Variants in RUNX1T1 observed in about 807,000 individuals in gnomAD.
RUNX1T1 encodes protein CBFA2T1.
Under a neutral mutation model 62.8 loss-of-function variants are expected in RUNX1T1, and 4 were observed. That is an observed-to-expected ratio of 0.06 (90% confidence interval 0.03 to 0.15). The LOEUF (loss-of-function observed/expected upper bound fraction) is 0.15. RUNX1T1 is among the 10% of genes least tolerant of loss of function. The pLI, the probability that RUNX1T1 is intolerant of heterozygous loss-of-function variation, is 1.00. For synonymous variants in RUNX1T1, 291 were observed against 286.0 expected (o/e 1.02, Z -0.18); for missense variants, 508 against 754.3 (o/e 0.67, Z 3.82).
chr8:92,006,427 G>A (rs2131037649), intron 4 of RUNX1T1: 1 of 152,258 alleles, frequency 6.6e-6, no homozygotes, highest in Non-Finnish European at 1.5e-5. Context: ...CAGGTGCCAT[G>A]TACACCGATT....
At chr8:91,965,598 A>G (rs951815482) in intron 10 of RUNX1T1, among the ~76,000 whole-genome samples, 1 of 151,918 alleles carries the variant, frequency 6.6e-6, no homozygotes, top group African/African-American at 2.4e-5. Context: ...TTCTGTAGGT[A>G]CCTCCACCAG....
At chr8:92,102,892 A>T (rs909765607), upstream of RUNX1T1, 17 of 1,520,070 alleles carry the variant, frequency 1.1e-5, no homozygotes, top group African/African-American at 2.0e-4. The surrounding 1 kb of genome is among the most constrained non-coding windows in gnomAD (Gnocchi z 4.5). Flanking sequence ...CATCCGCCAC[A>T]GGCTCCGAGC....
intron 1 of RUNX1T1, among the ~76,000 whole-genome samples, chr8:92,054,186 G>A (rs1490817745): frequency 2.0e-5 from 3 of 151,392 alleles, no homozygotes; most frequent in Admixed American, 6.6e-5. Flanking sequence ...TTTATTATGT[G>A]ATCACCATTC....
At chr8:92,057,043 T>C (rs898477809) in intron 1 of RUNX1T1, among the ~76,000 whole-genome samples, 1 of 152,174 alleles carries the variant, frequency 6.6e-6, no homozygotes, top group Non-Finnish European at 1.5e-5. Flanking sequence ...AATAATAACA[T>C]TAAGTCTCCT....
chr8:91,998,861 T>C (rs1448241698), intron 5 of RUNX1T1, among the ~76,000 whole-genome samples: 1 of 152,192 alleles, frequency 6.6e-6, no homozygotes, highest in Non-Finnish European at 1.5e-5. Context: ...CTGTGGCTGT[T>C]TTTATTGTAT....
At chr8:92,031,935 T>A (rs865794178) in intron 1 of RUNX1T1, among the ~76,000 whole-genome samples, 3 of 151,228 alleles carry the variant, frequency 2.0e-5, no homozygotes, top group African/African-American at 7.3e-5. Context: ...CTACTAAAAA[T>A]ACAAAATAAT....
chr8:91,972,045 AAACT>A (rs1812951211), intron 9 of RUNX1T1, among the ~76,000 whole-genome samples: 1 of 152,180 alleles, frequency 6.6e-6, no homozygotes, highest in African/African-American at 2.4e-5. Flanking sequence ...CACTCTATTA[AAACT>A]AATTATGACA....
exon 11 of RUNX1T1, chr8:91,959,444 G>GTATA (rs1370118140): frequency 2.2e-5 from 3 of 136,990 alleles, no homozygotes; most frequent in African/African-American, 7.8e-5. Flanking sequence ...GTGTGTGTGT[G>GTATA]TGTGTGTGTG....
intron 1 of RUNX1T1, among the ~76,000 whole-genome samples, chr8:92,096,429 C>G (rs1052340085): frequency 6.6e-6 from 1 of 152,188 alleles, no homozygotes; most frequent in Admixed American, 6.5e-5. Context: ...AGTTCATCCC[C>G]CTCCCCAGCA....
chr8:92,035,550 G>C (rs988481634), intron 1 of RUNX1T1, among the ~76,000 whole-genome samples: 14 of 152,010 alleles, frequency 9.2e-5, no homozygotes, highest in African/African-American at 3.4e-4. Flanking sequence ...AATATAAAGG[G>C]AGATCAACTC....
chr8:91,959,624 T>C (rs1810024612), exon 11 of RUNX1T1: 1 of 223,452 alleles, frequency 4.5e-6, no homozygotes, highest in Non-Finnish European at 9.0e-6. Flanking sequence ...ATTATTTCTT[T>C]TCAGAAACAG....
chr8:92,074,312 G>A (rs1834105025), intron 2 of RUNX1T1, among the ~76,000 whole-genome samples: 1 of 152,162 alleles, frequency 6.6e-6, no homozygotes, highest in Non-Finnish European at 1.5e-5. Context: ...ATTGCCAGCA[G>A]GCCACAGATA....
chr8:92,003,218 G>A (rs1031537989), intron 5 of RUNX1T1: 12 of 390,842 alleles, frequency 3.1e-5, no homozygotes, highest in Non-Finnish European at 5.7e-5. Flanking sequence ...CACAGCGACA[G>A]AGCATCAAAA....
intron 1 of RUNX1T1, among the ~76,000 whole-genome samples, chr8:92,035,295 C>CAAAAA (rs746841942): frequency 3.6e-5 from 1 of 27,554 alleles, no homozygotes; most frequent in Non-Finnish European, 7.2e-5. Flanking sequence ...AATTCCATTT[C>CAAAAA]AAAAAAAAAA....
chr8:91,969,042 C>A (rs1812224171), intron 10 of RUNX1T1, among the ~76,000 whole-genome samples: 1 of 150,944 alleles, frequency 6.6e-6, no homozygotes, highest in African/African-American at 2.4e-5. Context: ...ACTGGTAATG[C>A]TATATTAAAG....
chr8:92,095,667 A>G, intron 1 of RUNX1T1: 2 of 848,818 alleles, frequency 2.4e-6, no homozygotes, highest in South Asian at 2.5e-5. Flanking sequence ...GGAGAGACAC[A>G]GGCAGGAGGG....
chr8:92,079,332 T>G (rs1471654499), intron 1 of RUNX1T1, among the ~76,000 whole-genome samples: 1 of 152,216 alleles, frequency 6.6e-6, no homozygotes, highest in African/African-American at 2.4e-5. Context: ...AGGAACCTGT[T>G]ATAGCATATC....
chr8:92,095,676 G>A (rs960693288), intron 1 of RUNX1T1: 7 of 978,554 alleles, frequency 7.2e-6, no homozygotes, highest in Non-Finnish European at 8.4e-6. Context: ...CAGGCAGGAG[G>A]GAAGGAGGGA....
chr8:92,030,846 G>C (rs1469631056), intron 1 of RUNX1T1, among the ~76,000 whole-genome samples: 1 of 152,094 alleles, frequency 6.6e-6, no homozygotes, highest in Non-Finnish European at 1.5e-5. Flanking sequence ...AACCTGTCTG[G>C]CGTCTGACAC....
Sources: gnomAD v4.1 joint callset for allele counts (sites outside exome capture counted in the v4.1 genomes callset) on GRCh38, gnomAD v4.1.1 for gene constraint, Gnocchi (gnomAD v3.1) non-coding constraint, MANE v1.5 for transcripts, NCBI Gene and HGNC (gene_info 2026-07-23, HGNC 2026-07-21) for gene names.